The following RIN2 variants were observed in gnomAD, a reference collection of about 807,000 sequenced individuals.
The protein encoded by RIN2 is RAB5 interacting protein 2.
Under a neutral mutation model 78.0 loss-of-function variants are expected in RIN2, and 36 were observed. The observed-to-expected ratio is 0.46, with a 90% CI of 0.35 to 0.61. RIN2 has a LOEUF of 0.61. Among genes scored for constraint, RIN2 ranks in the 20% least tolerant of loss-of-function variants. The pLI is 0.00. For missense variants in RIN2, 1,087 were observed against 1,159.7 expected (o/e 0.94, Z 0.91); for synonymous variants, 466 against 466.8 (o/e 1.00, Z 0.02).
chr20:19,788,441 A>AAAAAAAAAAAAAAACAAAAAC (rs1568752714), intron 1 of RIN2, among the ~76,000 whole-genome samples: 1 of 148,886 alleles, frequency 6.7e-6, no homozygotes, highest in Admixed American at 6.8e-5. Flanking sequence ...CCAAAAAAAA[A>AAAAAAAAAAAAAAACAAAAAC]AAAAAAAACA....
Position 19,928,796 on chromosome 20 carries a change from C to T in RIN2, c.58-6303C>T, listed in dbSNP as rs568737765. Among the ~76,000 whole-genome samples the T allele has an allele frequency of 5.3e-5, 8 of 152,266 alleles. No individual in the cohort carries two copies. In the South Asian group the frequency reaches 1.7e-3, roughly 32 times the overall value. ...TTCCTCTCCCTCTTGTGGTCACCAG[C>T]ACCCCCTCTTCTTCCCTGGAAGTCC... On this transcript the variant is annotated intron_variant, in intron 3 of 12. Transcript: ENST00000255006.
chr20:19,920,525 C>T (rs1269717041), intron 3 of RIN2, among the ~76,000 whole-genome samples: 2 of 152,350 alleles, frequency 1.3e-5, no homozygotes, highest in South Asian at 2.1e-4. Flanking sequence ...GATACAGCCA[C>T]ACACGCTGCT....
At chr20:19,948,017 G>A (rs186172571) in intron 4 of RIN2, among the ~76,000 whole-genome samples, 365 of 152,356 alleles carry the variant, frequency 2.4e-3, no homozygotes, top group Non-Finnish European at 4.0e-3. Flanking sequence ...GAGAAACTGT[G>A]ATAATCCTTC....
chr20:19,888,984 A>T, intron 2 of RIN2: 1 of 274,974 alleles, frequency 3.6e-6, no homozygotes, highest in Non-Finnish European at 5.5e-6. Context: ...GAAGCTGTTT[A>T]CATGTTGTCC....
intron 2 of RIN2, among the ~76,000 whole-genome samples, chr20:19,822,668 C>CACACA (rs569890167): frequency 2.7e-5 from 4 of 147,862 alleles, no homozygotes; most frequent in African/African-American, 1.0e-4. Context: ...ACACACACAC[C>CACACA]CACACACAAT....
chr20:19,874,842 ATTATT>A (rs66498005), intron 2 of RIN2, among the ~76,000 whole-genome samples: 6 of 151,326 alleles, frequency 4.0e-5, no homozygotes, highest in South Asian at 2.1e-4. Flanking sequence ...TATTTTTAAA[ATTATT>A]TTATTTTATT....
At chr20:19,921,209 A>C (rs2039903878) in intron 3 of RIN2, among the ~76,000 whole-genome samples, 1 of 152,200 alleles carries the variant, frequency 6.6e-6, no homozygotes, top group South Asian at 2.1e-4. Context: ...ATTGTTTGAA[A>C]GCAAACGTTT....
intron 2 of RIN2, among the ~76,000 whole-genome samples, chr20:19,836,237 G>A (rs1274644257): frequency 2.6e-5 from 4 of 152,188 alleles, no homozygotes; most frequent in East Asian, 1.9e-4. Context: ...GTGCTCCAGC[G>A]ATTATAACAC....
intron 2 of RIN2, chr20:19,889,353 G>A (rs2038336885): frequency 8.0e-7 from 1 of 1,248,216 alleles, no homozygotes; most frequent in East Asian, 3.3e-5. Context: ...GCAGAGGTGG[G>A]AGGTGGGCTG....
chr20:19,938,243 G>T (rs2040726647), intron 4 of RIN2, among the ~76,000 whole-genome samples: 1 of 152,152 alleles, frequency 6.6e-6, no homozygotes, highest in Non-Finnish European at 1.5e-5. Flanking sequence ...TTTTGAGACA[G>T]AGTCTCACTC....
Position 19,974,755 on chromosome 20 carries a change from T to A in RIN2, c.730T>A (p.Cys244Ser). ...GVCPASLRQL[C>S]LINGVHSIKT... ...CTGTCCTGCCTCCCTGCGTCAGCTC[T>A]GCCTTATAAATGGAGTGCATTCTAT... Residue 244 changes from cysteine to serine, a missense_variant, in exon 9 of 13, where the codon TGC becomes AGC. Physicochemically the swap from Cys to Ser is moderately radical, Grantham distance 112. Coordinates refer to ENST00000255006, the MANE Select transcript of RIN2 (RefSeq NM_018993.4). The A allele has an allele frequency of 1.2e-6, 2 of 1,614,056 alleles. No individual in the cohort carries two copies. The highest frequency in any genetic ancestry group is 1.7e-6 in the Non-Finnish European group (2 of 1,179,904).
At chr20:19,937,189 G>A (rs1201414340) in intron 4 of RIN2, among the ~76,000 whole-genome samples, 3 of 152,186 alleles carry the variant, frequency 2.0e-5, no homozygotes, top group Admixed American at 2.0e-4. Context: ...TGTCAGGAGG[G>A]CCAGTTCAGT....
chr20:19,909,117 G>A (rs1247396698), intron 3 of RIN2, among the ~76,000 whole-genome samples: 1 of 152,150 alleles, frequency 6.6e-6, no homozygotes, highest in Non-Finnish European at 1.5e-5. Context: ...ACCCACCTGG[G>A]CCTCCCAAAG....
chr20:19,881,456 A>C (rs558695463), intron 2 of RIN2, among the ~76,000 whole-genome samples: 2 of 152,252 alleles, frequency 1.3e-5, no homozygotes, highest in Non-Finnish European at 2.9e-5. Context: ...AAATTAGTAC[A>C]TGAGATTCCA....
rs568066177 is a variant in RIN2 at position 19,956,464 on chromosome 20, C to T, written c.159-151C>T. 16 of 669,418 alleles carry T rather than the reference C, an allele frequency of 2.4e-5. No individual in the cohort carries two copies. In the African/African-American group the frequency reaches 2.5e-4, roughly 11 times the overall value. The allele number at this position is 669,418 out of a possible 1,614,324, so 41.5% of individuals were successfully genotyped here. A position where few individuals can be genotyped will look rare whatever the true frequency, so the allele number is the denominator to read the frequency against. On this transcript the variant is annotated intron_variant, in intron 4 of 12. Transcript: ENST00000255006. ...AAACATTGTGTCTGCCCTCAGAAAGCTTTCAGTCTGGAAGAGAAGATGATT... is the reference window on the plus strand; with the variant it reads ...AAACATTGTGTCTGCCCTCAGAAAGTTTTCAGTCTGGAAGAGAAGATGATT...
chr20:19,887,590 G>T lies in RIN2; in HGVS notation c.-36-1976G>T, dbSNP rs769743854. Among the ~76,000 whole-genome samples the T allele has an allele frequency of 7.5e-4, 114 of 152,306 alleles. 1 individual carries two copies. Among genetic ancestry groups the T allele is most frequent in the Admixed American group, 3.3e-3 (50 of 15,304 alleles). The stretch of plus-strand genomic sequence containing the variant: ...GAATTGAGGACTGCTGGAGGTTAAA[G>T]GGTACACATGAAGTTTTCAGGCAGC... On this transcript the variant is annotated intron_variant, in intron 2 of 12. Transcript: ENST00000255006.
chr20:19,893,797 C>T (rs758072251), intron 3 of RIN2, among the ~76,000 whole-genome samples: 1 of 152,140 alleles, frequency 6.6e-6, no homozygotes, highest in Non-Finnish European at 1.5e-5. Context: ...CAGAGCCGGG[C>T]GCCATGGCTC....
At chr20:19,871,387 T>C (rs2037684027) in intron 2 of RIN2, among the ~76,000 whole-genome samples, 1 of 152,132 alleles carries the variant, frequency 6.6e-6, no homozygotes, top group Admixed American at 6.5e-5. Context: ...GAGCAACAAA[T>C]TGACACCCAG....
chr20:19,807,136 G>C (rs1057271077), intron 2 of RIN2, among the ~76,000 whole-genome samples: 1 of 152,208 alleles, frequency 6.6e-6, no homozygotes, highest in Non-Finnish European at 1.5e-5. Flanking sequence ...ATAAGTGGAA[G>C]CCCAAGAAAC....
Sources: allele counts gnomAD v4.1 joint callset (sites outside exome capture counted in the v4.1 genomes callset), GRCh38; gene constraint gnomAD v4.1.1; transcripts MANE v1.5; gene names NCBI Gene and HGNC (gene_info 2026-07-23, HGNC 2026-07-21).